The following SIK3 variants were observed in gnomAD, a reference collection of about 807,000 sequenced individuals.
The protein encoded by SIK3 is serine/threonine-protein kinase SIK3.
In SIK3, 28 loss-of-function variants were observed where a neutral mutation model predicts 144.2. That is an observed-to-expected ratio of 0.19 (90% CI 0.14 to 0.27). SIK3 has a LOEUF of 0.27. Ranked by LOEUF, SIK3 falls within the 10% of genes least tolerant of loss-of-function variation. SIK3 has a pLI of 1.00. For missense variants in SIK3, 1,319 were observed against 1,776.0 expected, an observed-to-expected ratio of 0.74 and a Z score of 4.62; for synonymous variants, 686 against 676.3, an observed-to-expected ratio of 1.01 and a Z score of -0.22.
chr11:117,063,679 G>C (rs11216258), intron 1 of SIK3, among the ~76,000 whole-genome samples: 3 of 149,840 alleles, frequency 2.0e-5, no homozygotes, highest in East Asian at 2.0e-4. Flanking sequence ...TCTGTCTCCC[G>C]GGCCTCAGCC....
At chr11:116,876,437 C>G (rs1341217026) in intron 7 of SIK3, 74 bp from the exon 8 acceptor site, 2 of 1,176,454 alleles carry the variant, frequency 1.7e-6, no homozygotes, top group African/African-American at 3.0e-5. Context: ...TATATAATGA[C>G]CAACCTGTTC....
intron 1 of SIK3, among the ~76,000 whole-genome samples, chr11:117,084,527 A>T (rs1343868301): frequency 6.6e-6 from 1 of 152,154 alleles, no homozygotes; most frequent in Non-Finnish European, 1.5e-5. Flanking sequence ...GGGCCTCCCA[A>T]AGTGCTGCAA....
intron 1 of SIK3, among the ~76,000 whole-genome samples, chr11:117,002,375 G>A (rs1340743853): frequency 6.6e-6 from 1 of 151,626 alleles, no homozygotes; most frequent in Non-Finnish European, 1.5e-5. Flanking sequence ...CTTCCAGTGT[G>A]GCCAGGGAAG....
At chr11:116,886,606 T>C (rs752994285) in intron 6 of SIK3, among the ~76,000 whole-genome samples, 1 of 152,222 alleles carries the variant, frequency 6.6e-6, no homozygotes, top group Non-Finnish European at 1.5e-5. Flanking sequence ...AAAAATATTG[T>C]CCACAAGAGA....
chr11:116,901,355 C>T (rs949396672), intron 4 of SIK3, among the ~76,000 whole-genome samples: 7 of 152,168 alleles, frequency 4.6e-5, no homozygotes, highest in African/African-American at 1.7e-4. Context: ...CTCCTGACTA[C>T]TGGAGACTTC....
At chr11:117,085,864 A>AT (rs1294999849) in intron 1 of SIK3, among the ~76,000 whole-genome samples, 1 of 152,216 alleles carries the variant, frequency 6.6e-6, no homozygotes, top group Non-Finnish European at 1.5e-5. Flanking sequence ...ATGTGCCTAT[A>AT]GTCCCAGCTA....
chr11:117,046,321 C>G (rs1268271951), intron 1 of SIK3, among the ~76,000 whole-genome samples: 1 of 152,216 alleles, frequency 6.6e-6, no homozygotes, highest in Non-Finnish European at 1.5e-5. Context: ...ATTTAACTAA[C>G]AAGCATCTTG....
chr11:117,044,331 G>C (rs1005576115), intron 1 of SIK3, among the ~76,000 whole-genome samples: 5 of 152,112 alleles, frequency 3.3e-5, no homozygotes, highest in Admixed American at 3.3e-4. Context: ...GATCATAGCA[G>C]ACTTATACTT....
intron 2 of SIK3, among the ~76,000 whole-genome samples, chr11:116,954,794 T>C (rs1316508046): frequency 6.6e-6 from 1 of 152,184 alleles, no homozygotes; most frequent in Non-Finnish European, 1.5e-5. Context: ...CATACACTCA[T>C]TATAAAACAA....
At chr11:116,936,780 C>T (rs1412023374) in intron 3 of SIK3, among the ~76,000 whole-genome samples, 1 of 152,196 alleles carries the variant, frequency 6.6e-6, no homozygotes, top group South Asian at 2.1e-4. Flanking sequence ...TCAACAAAAT[C>T]TCACAGCCTA....
At chr11:117,043,398 T>TA (rs1402685336) in intron 1 of SIK3, among the ~76,000 whole-genome samples, 16 of 152,310 alleles carry the variant, frequency 1.1e-4, no homozygotes, top group Admixed American at 9.2e-4. Context: ...CCTGGATACT[T>TA]ACACTGCAGT....
intron 1 of SIK3, among the ~76,000 whole-genome samples, chr11:117,017,716 A>G (rs1239472906): frequency 2.6e-5 from 4 of 152,192 alleles, no homozygotes; most frequent in Non-Finnish European, 5.9e-5. Flanking sequence ...TACAAATCCT[A>G]TAAATGAGAA....
intron 4 of SIK3, among the ~76,000 whole-genome samples, chr11:116,926,474 C>G (rs935815139): frequency 9.2e-5 from 14 of 152,120 alleles, no homozygotes; most frequent in African/African-American, 3.1e-4. Flanking sequence ...GCCTATAAGC[C>G]ACTCTAAGAT....
rs1947149304 is a variant in SIK3, at chr11:116,924,145, T to C, written c.616+3074A>G. 2.0e-5 allele frequency among the ~76,000 whole-genome samples: 3 copies of C among 151,456 alleles called. No individual in the cohort carries two copies. The South Asian group carries it at 6.3e-4, about 32-fold the overall frequency. Reference sequence around the variant, plus strand: ...TCGTCTCTGCTAAAAATACAAAAAATTAGCAGAACGTGGTGGCGCATGCCT... The same window carrying C: ...TCGTCTCTGCTAAAAATACAAAAAACTAGCAGAACGTGGTGGCGCATGCCT... On this transcript the variant is annotated intron_variant, in intron 4 of 24. Transcript: ENST00000445177.
chr11:116,868,384 G>A (rs1478684382), intron 14 of SIK3, among the ~76,000 whole-genome samples: 2 of 152,150 alleles, frequency 1.3e-5, no homozygotes, highest in Admixed American at 6.5e-5. Context: ...CATTCTACTC[G>A]GTAGAAGAAT....
At chr11:117,038,853 C>T (rs1952624190) in intron 1 of SIK3, among the ~76,000 whole-genome samples, 1 of 151,642 alleles carries the variant, frequency 6.6e-6, no homozygotes, top group Non-Finnish European at 1.5e-5. Context: ...AGATCAAGAC[C>T]ATCCTGGCCA....
intron 1 of SIK3, among the ~76,000 whole-genome samples, chr11:117,049,375 C>T (rs1036318899): frequency 7.9e-5 from 12 of 151,996 alleles, no homozygotes; most frequent in African/African-American, 2.4e-4. Flanking sequence ...GTCAGGAGTT[C>T]GAGACCAGCC....
chr11:117,097,096 C>T lies in SIK3; in HGVS notation c.273+1047G>A, dbSNP rs192885817. The stretch of plus-strand genomic sequence containing the variant: ...AAAACCAAAAGATTCCTCCTGATGT[C>T]TTAGATTCCAGTCCTCCCAACGAAG... On this transcript the variant is annotated intron_variant, in intron 1 of 24. Transcript: ENST00000445177. Among the ~76,000 whole-genome samples, 387 of 152,270 alleles carry T rather than the reference C, an allele frequency of 2.5e-3. 6 individuals are homozygous for T. The highest frequency in any genetic ancestry group is 8.8e-3 in the African/African-American group (365 of 41,554).
chr11:116,867,022 TG>T lies in SIK3; in HGVS notation c.1952+923del, dbSNP rs1308300728. Among the ~76,000 whole-genome samples the T allele has an allele frequency of 6.6e-6, 1 of 152,178 alleles. No homozygotes were observed. Among genetic ancestry groups the T allele is most frequent in the Non-Finnish European group, 1.5e-5 (1 of 68,026 alleles). ...GTAACCAGCCTCAGTAAAAAAAATG[TG>T]TCAAGCTTGCCAGTGCAAGCTGGCT... On this transcript the variant is annotated intron_variant, in intron 15 of 24. Coordinates refer to ENST00000445177, the MANE Select transcript of SIK3 (RefSeq NM_001366686.3). This position sits in a 1 kb window ranked among gnomAD's most constrained non-coding sequence, Gnocchi z 4.1.
Sources: allele counts gnomAD v4.1 joint callset (sites outside exome capture counted in the v4.1 genomes callset), GRCh38; gene constraint gnomAD v4.1.1; non-coding constraint Gnocchi (gnomAD v3.1); transcripts MANE v1.5; gene names NCBI Gene and HGNC (gene_info 2026-07-23, HGNC 2026-07-21).